The following BSN variants were observed in gnomAD, a reference collection of about 807,000 sequenced individuals.
The protein encoded by BSN is protein bassoon.
A neutral mutation model predicts 264.8 loss-of-function variants in BSN; 57 were observed. That is an observed-to-expected ratio of 0.22 (90% confidence interval 0.17 to 0.27). The LOEUF (loss-of-function observed/expected upper bound fraction) is 0.27, where lower values mean the gene tolerates loss of function less well. BSN is among the 10% of genes least tolerant of loss of function. The pLI, the probability that BSN is intolerant of heterozygous loss-of-function variation, is 1.00. For synonymous variants in BSN, 2,059 were observed against 2,137.3 expected, an observed-to-expected ratio of 0.96 and a Z score of 1.01; for missense variants, 4,615 against 5,232.5, an observed-to-expected ratio of 0.88 and a Z score of 3.64.
intron 1 of BSN, among the ~76,000 whole-genome samples, chr3:49,603,218 G>C (rs1323680856): frequency 1.3e-5 from 2 of 152,194 alleles, no homozygotes; most frequent in Non-Finnish European, 2.9e-5. Flanking sequence ...CTTTGCGCTA[G>C]GCCTGGGGAA....
At chr3:49,621,699 G>A (rs1275287716) in intron 1 of BSN, among the ~76,000 whole-genome samples, 1 of 151,932 alleles carries the variant, frequency 6.6e-6, no homozygotes, top group Non-Finnish European at 1.5e-5. Flanking sequence ...GGAGTGGGAG[G>A]TAGTGAGTGG....
In BSN at chr3:49,655,625, C is replaced by T. The variant is rs1376902701; in HGVS notation, c.6069C>T (p.Tyr2023=). 12 of 1,613,638 alleles carry T rather than the reference C, an allele frequency of 7.4e-6. No individual in the cohort carries two copies. The highest frequency in any genetic ancestry group is 5.9e-6 in the Non-Finnish European group (7 of 1,180,012). The change falls in exon 5 of 12, where the codon TAC becomes TAT. Residue 2023 remains tyrosine, a synonymous_variant. Coordinates refer to ENST00000296452, the MANE Select transcript of BSN (RefSeq NM_003458.4). ...AMDLSSLKHS[Y]SLGFADGRYL... is the part of the protein sequence containing the mutation. The stretch of plus-strand genomic sequence containing the variant: ...ACCTCAGCTCACTGAAGCACTCCTA[C>T]AGCCTGGGCTTTGCGGATGGACGCT...
In BSN at chr3:49,664,473, C is replaced by G. The variant is rs774523408; in HGVS notation, c.11659C>G (p.Gln3887Glu). 6.2e-7 allele frequency: 1 copy of G among 1,613,594 alleles called. No individual in the cohort carries two copies. The highest frequency in any genetic ancestry group is 1.1e-5 in the South Asian group (1 of 91,072). Reference sequence around the variant, plus strand: ...AGGAACCCCAGGGGCTCCCGCCGGCCAGCCAGGTGCCGATGGGGAGAGCGT... The same window carrying G: ...AGGAACCCCAGGGGCTCCCGCCGGCGAGCCAGGTGCCGATGGGGAGAGCGT... ...PGGTPGAPAG[Q>E]PGADGESVFS... The change falls in exon 9 of 12, where the codon CAG (glutamine) becomes GAG (glutamate). Residue 3887 changes from glutamine (Q) to glutamate (E), a missense_variant. Physicochemically the swap from Gln to Glu is conservative, Grantham distance 29 (BLOSUM62 2). Transcript: ENST00000296452.
chr3:49,594,707 T>TA (rs934342091), intron 1 of BSN, among the ~76,000 whole-genome samples: 1 of 152,146 alleles, frequency 6.6e-6, no homozygotes, highest in Non-Finnish European at 1.5e-5. Flanking sequence ...TCTATGTCTG[T>TA]AAAAAAATTA....
At chr3:49,593,743 A>T (rs1575431774) in intron 1 of BSN, among the ~76,000 whole-genome samples, 1 of 140,804 alleles carries the variant, frequency 7.1e-6, no homozygotes, top group South Asian at 2.2e-4. Context: ...TCTTCTGTTG[A>T]GTTTTGAGGG....
intron 2 of BSN, among the ~76,000 whole-genome samples, chr3:49,633,794 A>G (rs1575443173): frequency 6.6e-6 from 1 of 152,242 alleles, no homozygotes; most frequent in Non-Finnish European, 1.5e-5. Context: ...TACAACATGG[A>G]CGAACCTTAA....
chr3:49,654,192 G>A lies in BSN; in HGVS notation c.4636G>A (p.Val1546Met), dbSNP rs772896473. Residue 1546 changes from valine to methionine, a missense_variant, in exon 5 of 12, where the codon GTG becomes ATG. This residue lies in a region of BSN where 3,415 missense variants were observed against 3,866.4 expected (regional missense o/e 0.88). Coordinates refer to ENST00000296452, the MANE Select transcript of BSN (RefSeq NM_003458.4). The surrounding 1 kb of genome is among the most constrained non-coding windows in gnomAD (Gnocchi z 4.1). ...ACATCGACCCAGCACGCCTCGCCTG[G>A]TGTGGCAGGAGTCCTCTCAAGAGGC... ...TPHRPSTPRL[V>M]WQESSQEAPF... 1.2e-6 allele frequency: 2 copies of A among 1,614,016 alleles called. No homozygotes were observed. The highest frequency in any genetic ancestry group is 1.3e-5 in the African/African-American group (1 of 75,056).
chr3:49,624,305 T>C (rs956386983), intron 1 of BSN, among the ~76,000 whole-genome samples: 2 of 123,180 alleles, frequency 1.6e-5, no homozygotes, highest in African/African-American at 5.9e-5. Flanking sequence ...CCAGCCTTTT[T>C]TTTTTTTTTT....
chr3:49,605,549 T>A (rs1413199414), intron 1 of BSN, among the ~76,000 whole-genome samples: 11 of 2,916 alleles, frequency 3.8e-3, no homozygotes, highest in Non-Finnish European at 4.7e-3. Flanking sequence ...TTATATATAT[T>A]TTATATAATA....
At position 49,654,501 on chromosome 3, in the gene BSN, C is replaced by G. The variant is rs1217046907; in HGVS notation, c.4945C>G (p.Pro1649Ala). 4 of 1,611,178 alleles carry G rather than the reference C, an allele frequency of 2.5e-6. No individual in the cohort carries two copies. The highest frequency in any genetic ancestry group is 3.4e-6 in the Non-Finnish European group (4 of 1,178,706). Residue 1649 changes from proline to alanine, a missense_variant, in exon 5 of 12, where the codon CCT (proline) becomes GCT (alanine). Transcript: ENST00000296452. The surrounding 1 kb of genome is among the most constrained non-coding windows in gnomAD (Gnocchi z 4.1). ...CTCCCTGTGCCGGATCTCCTCTGTC[C>G]CTGGGACGTCTAGGGTTGAGCCAGG... ...NISLCRISSV[P>A]GTSRVEPGPR...
chr3:49,663,415 G>C lies in BSN; in HGVS notation c.11257G>C (p.Ala3753Pro), dbSNP rs756212471. 7.4e-5 allele frequency: 120 copies of C among 1,612,704 alleles called. No individual in the cohort carries two copies. The highest frequency in any genetic ancestry group is 1.6e-4 in the Middle Eastern group (1 of 6,084). ...AQPQLQGRQA[A>P]PGPQQSQSPS... The stretch of plus-strand genomic sequence containing the variant: ...GCCGCAGCTGCAAGGTCGGCAGGCA[G>C]CTCCAGGACCACAGCAGTCACAGTC... Residue 3753 changes from alanine to proline, a missense_variant, in exon 7 of 12, where the codon GCT (alanine) becomes CCT (proline). By Grantham distance (27) the Ala-to-Pro change is conservative. This residue lies in a region of BSN where 3,415 missense variants were observed against 3,866.4 expected (regional missense o/e 0.88). Coordinates refer to ENST00000296452, the MANE Select transcript of BSN (RefSeq NM_003458.4).
intron 1 of BSN, among the ~76,000 whole-genome samples, chr3:49,616,476 A>G (rs553794715): frequency 7.2e-5 from 11 of 152,294 alleles, no homozygotes; most frequent in African/African-American, 1.9e-4. Context: ...TCTTCTGGCC[A>G]CTCTGACTTA....
chr3:49,580,195 C>T (rs1320546098), intron 1 of BSN, among the ~76,000 whole-genome samples: 1 of 152,094 alleles, frequency 6.6e-6, no homozygotes, highest in Non-Finnish European at 1.5e-5. Context: ...ATCCTCCCAC[C>T]TTATTCCCCT....
chr3:49,556,538 C>T (rs187468162), intron 1 of BSN, among the ~76,000 whole-genome samples: 1 of 152,276 alleles, frequency 6.6e-6, no homozygotes, highest in Non-Finnish European at 1.5e-5. Flanking sequence ...CATACCTGAG[C>T]CTGTGGTGCT....
In BSN at chr3:49,653,407, A is replaced by G; in HGVS notation, c.3851A>G (p.Lys1284Arg). The G allele has an allele frequency of 1.2e-6, 2 of 1,613,912 alleles. No homozygotes were observed. Among genetic ancestry groups the G allele is most frequent in the Non-Finnish European group, 1.7e-6 (2 of 1,180,002 alleles). The change falls in exon 5 of 12, where the codon AAA becomes AGA. Residue 1284 changes from lysine to arginine, a missense_variant. Transcript: ENST00000296452. This position sits in a 1 kb window ranked among gnomAD's most constrained non-coding sequence, Gnocchi z 6.3. ...CGAGACCTGGCTTTTGCTGAGGACA[A>G]AAAGAAGGAGAAGCAGTTTCTAAAT... ...SSRDLAFAEDKKKEKQFLNAE... is the reference protein window; with the variant it reads ...SSRDLAFAEDRKKEKQFLNAE...
chr3:49,660,963 G>GCTGCTCCTGCCACCCCCT lies in BSN; in HGVS notation c.9122_9139dup (p.Ala3041_Ser3046dup). On this transcript the variant is annotated inframe_insertion, in exon 6 of 12. Coordinates refer to ENST00000296452, the MANE Select transcript of BSN (RefSeq NM_003458.4). This position sits in a 1 kb window ranked among gnomAD's most constrained non-coding sequence, Gnocchi z 7.1. The stretch of plus-strand genomic sequence containing the variant: ...GTTTGTGGACTTCCCTGCCACTGCC[G>GCTGCTCCTGCCACCCCCT]CTGCTCCTGCCACCCCCTCTGGTCC... The GCTGCTCCTGCCACCCCCT allele has an allele frequency of 6.2e-7, 1 of 1,611,676 alleles. No individual in the cohort carries two copies. Among genetic ancestry groups the GCTGCTCCTGCCACCCCCT allele is most frequent in the Non-Finnish European group, 8.5e-7 (1 of 1,179,996 alleles).
At chr3:49,557,666 C>A (rs2107995609) in intron 1 of BSN, among the ~76,000 whole-genome samples, 1 of 151,846 alleles carries the variant, frequency 6.6e-6, no homozygotes, top group East Asian at 1.9e-4. Context: ...CAAGCTCCAC[C>A]TTCTGGGTTC....
chr3:49,606,295 TATTA>T (rs1388956379), intron 1 of BSN, among the ~76,000 whole-genome samples: 1 of 116,536 alleles, frequency 8.6e-6, no homozygotes, highest in South Asian at 2.3e-4. Context: ...ATATTATATA[TATTA>T]AAAATATATA....
chr3:49,657,082 C>A lies in BSN; in HGVS notation c.7526C>A (p.Ala2509Asp), dbSNP rs1440612660. 1 of 1,609,480 alleles carries A rather than the reference C, an allele frequency of 6.2e-7. No individual in the cohort carries two copies. The highest frequency in any genetic ancestry group is 8.5e-7 in the Non-Finnish European group (1 of 1,177,236). Reference protein sequence around the residue: ...GQYWPPLTHAAFIAMAGPEGL... With the variant: ...GQYWPPLTHADFIAMAGPEGL... Reference sequence around the variant, plus strand: ...TATTGGCCCCCCCTTACACATGCAGCCTTCATTGCCATGGCAGGGCCTGAA... The same window carrying A: ...TATTGGCCCCCCCTTACACATGCAGACTTCATTGCCATGGCAGGGCCTGAA... The change falls in exon 5 of 12, where the codon GCC becomes GAC. Residue 2509 changes from alanine to aspartate, a missense_variant. Ala to Asp is a moderately radical substitution (Grantham distance 126). Coordinates refer to ENST00000296452, the MANE Select transcript of BSN (RefSeq NM_003458.4).
Sources: gnomAD v4.1 joint callset for allele counts (sites outside exome capture counted in the v4.1 genomes callset) on GRCh38, gnomAD v4.1.1 for gene constraint, gnomAD v4.1.1 regional missense constraint, Gnocchi (gnomAD v3.1) non-coding constraint, MANE v1.5 for transcripts, NCBI Gene and HGNC (gene_info 2026-07-23, HGNC 2026-07-21) for gene names.